KMT2D: variants seen among roughly 807,000 people sequenced by gnomAD.
KMT2D encodes histone-lysine N-methyltransferase 2D.
In KMT2D, 55 loss-of-function variants were observed where a neutral mutation model predicts 512.7. The observed-to-expected ratio is 0.11, with a 90% CI of 0.09 to 0.13. The LOEUF is 0.13. Ranked by LOEUF, KMT2D falls within the 10% of genes least tolerant of loss-of-function variation. The pLI is 1.00. For missense variants in KMT2D, 6,061 were observed against 7,127.9 expected, an observed-to-expected ratio of 0.85 and a Z score of 5.39; for synonymous variants, 2,995 against 2,904.0, an observed-to-expected ratio of 1.03 and a Z score of -1.01.
At position 49,046,624 on chromosome 12, in the gene KMT2D, C is replaced by G. The variant is rs2120609647; in HGVS notation, c.4403G>C (p.Gly1468Ala). Residue 1468 changes from glycine to alanine, a missense_variant, in exon 16 of 55, where the codon GGC (glycine) becomes GCC (alanine). Physicochemically the swap from Gly to Ala is moderately conservative, Grantham distance 60. This residue lies in a region of KMT2D where 53 missense variants were observed against 148.3 expected (regional missense o/e 0.36). Transcript: ENST00000301067. This position sits in a 1 kb window ranked among gnomAD's most constrained non-coding sequence, Gnocchi z 4.2. ...DPPLLTVPKG[G>A]WKCKWCVSCM... ...GTCTCCTTACCACTTGCACTTCCAG[C>G]CGCCCTTGGGGACGGTGAGCAGTGG... The G allele has an allele frequency of 6.2e-7, 1 of 1,611,696 alleles. No homozygotes were observed. The highest frequency in any genetic ancestry group is 2.2e-5 in the East Asian group (1 of 44,838).
At position 49,044,426 on chromosome 12, in the gene KMT2D, C is replaced by A. The variant is rs1183756465; in HGVS notation, c.5060G>T (p.Arg1687Leu). 1.2e-6 allele frequency: 2 copies of A among 1,613,912 alleles called. No homozygotes were observed. Among genetic ancestry groups the A allele is most frequent in the Non-Finnish European group, 1.7e-6 (2 of 1,179,860 alleles). Reference sequence around the variant, plus strand: ...ACCAGGCCGATATGGTTTACGCTTGCGTTTTTTGCTTTCCTCGGTCTCCTC... The same window carrying A: ...ACCAGGCCGATATGGTTTACGCTTGAGTTTTTTGCTTTCCTCGGTCTCCTC... ...GKEETEESKKRKRKPYRPGIG... is the reference protein window; with the variant it reads ...GKEETEESKKLKRKPYRPGIG... Residue 1687 changes from arginine (R) to leucine (L), a missense_variant, in exon 21 of 55, where the codon CGC becomes CTC. Physicochemically the swap from Arg to Leu is moderately radical, Grantham distance 102 (BLOSUM62 -2). Around this residue, in one of 16 missense-constraint regions of KMT2D, gnomAD observed 640 missense variants for 814.3 expected, o/e 0.79. Transcript: ENST00000301067. This position sits in a 1 kb window ranked among gnomAD's most constrained non-coding sequence, Gnocchi z 6.4.
In KMT2D at chr12:49,046,829, G is replaced by A. The variant is rs767684301; in HGVS notation, c.4237-39C>T. On this transcript the variant is annotated intron_variant, in intron 15 of 54. Transcript: ENST00000301067. The surrounding 1 kb of genome is among the most constrained non-coding windows in gnomAD (Gnocchi z 4.2). ...TGGGAACTTCTCAGGGTGTGAGGTGGAAAAGAGGTAGAACTTCTTTTTATT... is the reference window on the plus strand; with the variant it reads ...TGGGAACTTCTCAGGGTGTGAGGTGAAAAAGAGGTAGAACTTCTTTTTATT... 3.8e-6 allele frequency: 6 copies of A among 1,565,154 alleles called. No homozygotes were observed. Among genetic ancestry groups the A allele is most frequent in the Non-Finnish European group, 4.4e-6 (5 of 1,149,118 alleles).
At position 49,037,014 on chromosome 12, in the gene KMT2D, C is replaced by G; in HGVS notation, c.10231+111G>C. 5 of 1,388,810 alleles carry G rather than the reference C, an allele frequency of 3.6e-6. No homozygotes were observed. In the South Asian group the frequency reaches 7.9e-5, roughly 22 times the overall value. The allele number at this position is 1,388,810 out of a possible 1,614,324, so 86.0% of individuals were successfully genotyped here. ...ACTAGTATGATATTTAGCCAAAGTT[C>G]TTTGTGTCCCATCTTAAGTAGGGAT... On this transcript the variant is annotated intron_variant, in intron 35 of 54. Coordinates refer to ENST00000301067, the MANE Select transcript of KMT2D (RefSeq NM_003482.4).
rs745634784 is a variant in KMT2D at position 49,033,789 on chromosome 12, T to G, written c.10916A>C (p.His3639Pro). ...TKLPGQLLPG[H>P]GLQPPQGPPG... Reference sequence around the variant, plus strand: ...AGGCCCCTGTGGTGGCTGCAGCCCATGGCCAGGGAGCAGCTGACCAGGGAG... The same window carrying G: ...AGGCCCCTGTGGTGGCTGCAGCCCAGGGCCAGGGAGCAGCTGACCAGGGAG... The change falls in exon 40 of 55, where the codon CAT becomes CCT. Residue 3639 changes from histidine (H) to proline (P), a missense_variant. By Grantham distance (77) the His-to-Pro change is moderately conservative. Transcript: ENST00000301067. The G allele has an allele frequency of 6.2e-7, 1 of 1,603,792 alleles. No homozygotes were observed. The highest frequency in any genetic ancestry group is 8.5e-7 in the Non-Finnish European group (1 of 1,175,148).
rs532060823 is a variant in KMT2D, at chr12:49,037,876, C to G, written c.9480G>C (p.Met3160Ile). 1 of 1,598,002 alleles carries G rather than the reference C, an allele frequency of 6.3e-7. No individual in the cohort carries two copies. The highest frequency in any genetic ancestry group is 8.5e-7 in the Non-Finnish European group (1 of 1,172,430). The change falls in exon 35 of 55, where the codon ATG becomes ATC. Residue 3160 changes from methionine to isoleucine, a missense_variant. By Grantham distance (10) the Met-to-Ile change is conservative. This residue lies in a region of KMT2D where 533 missense variants were observed against 539.6 expected (regional missense o/e 0.99). Coordinates refer to ENST00000301067, the MANE Select transcript of KMT2D (RefSeq NM_003482.4). ...CCATCCGGGTATCCCGGCTGCCCAT[C>G]ATGCTCTGTCCTGGCTTTAGCCCCA... ...LGLGLKPGQS[M>I]MGSRDTRMGT...
At chr12:49,029,298 G>C (rs2120396295) in intron 44 of KMT2D, 62 bp from the exon 45 acceptor site, 1 of 1,592,124 alleles carries the variant, frequency 6.3e-7, no homozygotes, top group Non-Finnish European at 8.6e-7. Flanking sequence ...CAAATCTAGA[G>C]ATGAATAGAT....
In KMT2D at chr12:49,041,164, A is replaced by G. The variant is rs776452581; in HGVS notation, c.6606T>C (p.Pro2202=). 2.6e-6 allele frequency: 4 copies of G among 1,521,050 alleles called. No individual in the cohort carries two copies. The highest frequency in any genetic ancestry group is 3.5e-6 in the Non-Finnish European group (4 of 1,137,854). 94.2% of individuals were successfully genotyped at this position (1,521,050 alleles called of 1,614,324 possible). ...TCGGGGGCTGCGCAGGGGCCCCCGT[A>G]GGACTAGGATAGGGGGGATAGGTGG... ...APPTYPPYPS[P]TGAPAQPPML... The change falls in exon 32 of 55, where the codon CCT becomes CCC. Residue 2202 remains proline (P), a synonymous_variant. Coordinates refer to ENST00000301067, the MANE Select transcript of KMT2D (RefSeq NM_003482.4). The surrounding 1 kb of genome is among the most constrained non-coding windows in gnomAD (Gnocchi z 5.4).
At position 49,041,257 on chromosome 12, in the gene KMT2D, C is replaced by A. The variant is rs2120544059; in HGVS notation, c.6513G>T (p.Val2171=). The A allele has an allele frequency of 6.6e-7, 1 of 1,518,062 alleles. No homozygotes were observed. The allele number at this position is 1,518,062 out of a possible 1,614,324, so 94.0% of individuals were successfully genotyped here. A position where few individuals can be genotyped will look rare whatever the true frequency, so the allele number is the denominator to read the frequency against. Residue 2171 remains valine, a synonymous_variant, in exon 32 of 55, where the codon GTG becomes GTT. Transcript: ENST00000301067. This position sits in a 1 kb window ranked among gnomAD's most constrained non-coding sequence, Gnocchi z 5.4. ...LKLPPQVPAQ[V]PSQDPFGLAP... ...CCAGTCCAAAGGGGTCCTGCGAAGG[C>A]ACTTGGGCGGGCACCTGGGGTGGGA...
intron 42 of KMT2D, 22 bp from the exon 43 acceptor site, chr12:49,030,461 G>A (rs1233838182): frequency 2.6e-6 from 3 of 1,175,428 alleles, no homozygotes; most frequent in Non-Finnish European, 3.7e-6. Flanking sequence ...GGGGTGGGGT[G>A]TTGTGTGCAA....
chr12:49,037,317 T>C lies in KMT2D; in HGVS notation c.10039A>G (p.Met3347Val), dbSNP rs756902076. 7 of 1,613,092 alleles carry C rather than the reference T, an allele frequency of 4.3e-6. No homozygotes were observed. The highest frequency in any genetic ancestry group is 5.9e-6 in the Non-Finnish European group (7 of 1,179,678). Residue 3347 changes from methionine to valine, a missense_variant, in exon 35 of 55, where the codon ATG becomes GTG. By Grantham distance (21) the Met-to-Val change is conservative. Coordinates refer to ENST00000301067, the MANE Select transcript of KMT2D (RefSeq NM_003482.4). ...HALQQRLAPS[M>V]AMVSNQGHML... The stretch of plus-strand genomic sequence containing the variant: ...TGCCCTTGATTGGACACCATAGCCA[T>C]GGATGGAGCCAGGCGTTGCTGGAGG...
intron 1 of KMT2D, among the ~76,000 whole-genome samples, chr12:49,058,682 T>G (rs1027901750): frequency 6.6e-6 from 1 of 152,208 alleles, no homozygotes; most frequent in Non-Finnish European, 1.5e-5. Flanking sequence ...CACCCCATTC[T>G]GCACAGTTGG....
At position 49,054,510 on chromosome 12, in the gene KMT2D, C is replaced by T. The variant is rs1324311027; in HGVS notation, c.400+18G>A. ...ACCCAGCCCTTATCCCATTTCCTGC[C>T]CCATTCTCCTCACTCACCTCCAGGT... is the stretch of plus-strand genomic sequence containing the variant. On this transcript the variant is annotated intron_variant, in intron 4 of 54. Coordinates refer to ENST00000301067, the MANE Select transcript of KMT2D (RefSeq NM_003482.4). This position sits in a 1 kb window ranked among gnomAD's most constrained non-coding sequence, Gnocchi z 6.4. 1.2e-6 allele frequency: 2 copies of T among 1,600,158 alleles called. No homozygotes were observed. The highest frequency in any genetic ancestry group is 1.7e-6 in the Non-Finnish European group (2 of 1,172,656).
chr12:49,049,624 C>T (rs1396297668), intron 12 of KMT2D, 58 bp downstream of exon 12: 1 of 1,505,438 alleles, frequency 6.6e-7, no homozygotes, highest in Non-Finnish European at 8.9e-7. Context: ...TGACACAGGA[C>T]TGTACCTCTG....
intron 19 of KMT2D, 80 bp downstream of exon 19, chr12:49,045,840 T>C: frequency 1.7e-6 from 2 of 1,193,416 alleles, no homozygotes; most frequent in South Asian, 1.3e-5. Context: ...AATAAGGAGA[T>C]GAAGCTAGGG....
intron 41 of KMT2D, 42 bp from the exon 42 acceptor site, chr12:49,030,810 T>C (rs2120408684): frequency 1.2e-6 from 2 of 1,612,804 alleles, no homozygotes; most frequent in Non-Finnish European, 1.7e-6. Context: ...CTGCAGCGTT[T>C]GCATCGCTGT....
intron 1 of KMT2D, among the ~76,000 whole-genome samples, chr12:49,057,002 C>T (rs917671687): frequency 6.6e-6 from 1 of 152,212 alleles, no homozygotes; most frequent in East Asian, 1.9e-4. Flanking sequence ...TGATACACAT[C>T]ATCTCCATTC....
chr12:49,042,990 G>A lies in KMT2D; in HGVS notation c.5644+86C>T, dbSNP rs1032525708. On this transcript the variant is annotated intron_variant, in intron 26 of 54. Coordinates refer to ENST00000301067, the MANE Select transcript of KMT2D (RefSeq NM_003482.4). This position sits in a 1 kb window ranked among gnomAD's most constrained non-coding sequence, Gnocchi z 4.4. Reference sequence around the variant, plus strand: ...TCCAGGACTCCCCACCAGAGAAGCTGTACAGATCACAGTCCCAAAGATAGG... The same window carrying A: ...TCCAGGACTCCCCACCAGAGAAGCTATACAGATCACAGTCCCAAAGATAGG... 132 of 1,562,430 alleles carry A rather than the reference G, an allele frequency of 8.4e-5. No individual in the cohort carries two copies. In the African/African-American group the frequency reaches 1.2e-3, roughly 14 times the overall value.
intron 12 of KMT2D, 103 bp downstream of exon 12, chr12:49,049,579 T>G: frequency 7.8e-7 from 1 of 1,279,080 alleles, no homozygotes; most frequent in East Asian, 2.5e-5. Flanking sequence ...GATCTCCAAG[T>G]CTAGGATTCA....
At position 49,038,030 on chromosome 12, in the gene KMT2D, G is replaced by T. The variant is rs762516845; in HGVS notation, c.9326C>A (p.Pro3109His). 36 of 1,610,104 alleles carry T rather than the reference G, an allele frequency of 2.2e-5. No individual in the cohort carries two copies. Among genetic ancestry groups the T allele is most frequent in the East Asian group, 1.8e-4 (8 of 44,788 alleles). Reference protein sequence around the residue: ...RPPPAADASEPRLASVLPEVK... With the variant: ...RPPPAADASEHRLASVLPEVK... ...CTCAGGGAGCACAGATGCCAGGCGG[G>T]GTTCAGAGGCATCAGCAGCAGGGGG... is the stretch of plus-strand genomic sequence containing the variant. The change falls in exon 35 of 55, where the codon CCC becomes CAC. Residue 3109 changes from proline (P) to histidine (H), a missense_variant. Physicochemically the swap from Pro to His is moderately conservative, Grantham distance 77 (BLOSUM62 -2). Around this residue, in one of 16 missense-constraint regions of KMT2D, gnomAD observed 533 missense variants for 539.6 expected, o/e 0.99. Transcript: ENST00000301067. The surrounding 1 kb of genome is among the most constrained non-coding windows in gnomAD (Gnocchi z 5.7).
Sources: allele counts gnomAD v4.1 joint callset (sites outside exome capture counted in the v4.1 genomes callset), GRCh38; gene constraint gnomAD v4.1.1; regional missense constraint gnomAD v4.1.1; non-coding constraint Gnocchi (gnomAD v3.1); transcripts MANE v1.5; gene names NCBI Gene and HGNC (gene_info 2026-07-23, HGNC 2026-07-21).